ZNF670: variants seen among roughly 807,000 people sequenced by gnomAD.
ZNF670 encodes the protein zinc finger protein 670.
ZNF670 carries 7 observed loss-of-function variants against 10.9 expected under a neutral mutation model. That is an observed-to-expected ratio of 0.64 (90% CI 0.36 to 1.20). The LOEUF is 1.20. ZNF670 is among the 50% of genes most tolerant of loss of function. The pLI, the probability that ZNF670 is intolerant of heterozygous loss-of-function variation, is 0.02. For missense variants in ZNF670, 446 were observed against 458.6 expected (o/e 0.97, Z 0.25); for synonymous variants, 136 against 152.7 (o/e 0.89, Z 0.81).
At chr1:247,059,938 G>A (rs553969540) in intron 1 of ZNF670, among the ~76,000 whole-genome samples, 4 of 152,126 alleles carry the variant, frequency 2.6e-5, no homozygotes, top group Admixed American at 2.6e-4. Context: ...AGACCTATAT[G>A]ACAAAACTAT....
At chr1:247,053,211 C>G (rs6657686) in intron 1 of ZNF670, among the ~76,000 whole-genome samples, 49,623 of 152,134 alleles carry the variant, frequency 0.33, 8,923 homozygotes, top group African/African-American at 0.46. Context: ...AGCCTCCTCA[C>G]TGAGAATGCA....
At chr1:247,050,778 AT>A (rs976705954) in intron 1 of ZNF670, among the ~76,000 whole-genome samples, 5 of 152,058 alleles carry the variant, frequency 3.3e-5, no homozygotes, top group South Asian at 2.1e-4. Context: ...CCAGTGGTGA[AT>A]TCTTATCCAT....
intron 1 of ZNF670, among the ~76,000 whole-genome samples, chr1:247,071,119 T>A (rs1443764192): frequency 1.3e-5 from 2 of 152,124 alleles, no homozygotes; most frequent in African/African-American, 2.4e-5. Flanking sequence ...TATTACTGGG[T>A]ATATATATCC....
At position 247,075,788 on chromosome 1, in the gene ZNF670, T is replaced by C. The variant is rs190465225; in HGVS notation, c.3+2806A>G. 2.4e-3 allele frequency among the ~76,000 whole-genome samples: 361 copies of C among 152,306 alleles called. 2 individuals carry two copies. Among genetic ancestry groups the C allele is most frequent in the African/African-American group, 8.4e-3 (348 of 41,576 alleles). ...AATTGTCCAGCCTCAGGTATGTCTT[T>C]ATCAGCAGCATGAAAACAAACTAAT... On this transcript the variant is annotated intron_variant, in intron 1 of 3. Transcript: ENST00000366503.
intron 1 of ZNF670, among the ~76,000 whole-genome samples, chr1:247,070,427 C>T (rs149117955): frequency 0.019 from 2,870 of 152,232 alleles, 48 homozygotes; most frequent in Non-Finnish European, 0.028. Flanking sequence ...GCCGAGATCA[C>T]GCCACTGCAC....
Position 247,039,411 on chromosome 1 carries a change from C to G in ZNF670, c.130G>C (p.Gly44Arg). 1 of 1,602,658 alleles carries G rather than the reference C, an allele frequency of 6.2e-7. No individual in the cohort carries two copies. The highest frequency in any genetic ancestry group is 2.3e-5 in the East Asian group (1 of 44,006). The change falls in exon 2 of 4, where the codon GGA (glycine) becomes CGA (arginine). Residue 44 changes from glycine (G) to arginine (R), a missense_variant and splice_region_variant. Coordinates refer to ENST00000366503, the MANE Select transcript of ZNF670 (RefSeq NM_033213.5). ...QEIFRNLASV[G>R]NKSEDQNIQD... ...CGTGAATAAGTGTTGTTATTCTTACCTACAGAAGCCAGGTTCCTGAAGATT... is the reference window on the plus strand; with the variant it reads ...CGTGAATAAGTGTTGTTATTCTTACGTACAGAAGCCAGGTTCCTGAAGATT...
At chr1:247,053,876 G>C (rs1190442119) in intron 1 of ZNF670, among the ~76,000 whole-genome samples, 2 of 152,176 alleles carry the variant, frequency 1.3e-5, no homozygotes, top group African/African-American at 2.4e-5. Flanking sequence ...ACATTCATAA[G>C]AACAAAAACT....
rs1670195471 is a variant in ZNF670 at position 247,037,779 on chromosome 1, G to A, written c.840C>T (p.Pro280=). 5.6e-6 allele frequency: 9 copies of A among 1,613,826 alleles called. No homozygotes were observed. The East Asian group carries it at 1.8e-4, about 32-fold the overall frequency. ...CTTTGCCACATTTTATACATTCATA[G>A]GGTTTTTCTCCAGTATGCGTTCTTT... The part of the protein sequence containing the change: ...IHERTHTGEK[P]YECIKCGKAF... Residue 280 remains proline (P), a synonymous_variant, in exon 4 of 4, where the codon CCC becomes CCT. Transcript: ENST00000366503.
intron 1 of ZNF670, among the ~76,000 whole-genome samples, chr1:247,058,031 T>A (rs553557985): frequency 1.6e-4 from 24 of 152,330 alleles, no homozygotes; most frequent in African/African-American, 5.5e-4. Context: ...TGTTTAAAGT[T>A]ATAGATACCC....
chr1:247,050,176 T>G (rs144857377), intron 1 of ZNF670, among the ~76,000 whole-genome samples: 124 of 152,352 alleles, frequency 8.1e-4, no homozygotes, highest in African/African-American at 2.8e-3. Flanking sequence ...GGTCTAGTAG[T>G]AATTATTCTA....
chr1:247,054,716 C>T (rs754069651), intron 1 of ZNF670, among the ~76,000 whole-genome samples: 3 of 152,126 alleles, frequency 2.0e-5, no homozygotes, highest in Non-Finnish European at 4.4e-5. Flanking sequence ...TCAAGTGAGA[C>T]GTAGCACATT....
intron 1 of ZNF670, among the ~76,000 whole-genome samples, chr1:247,077,369 AG>A (rs1294632547): frequency 2.0e-5 from 3 of 152,224 alleles, no homozygotes; most frequent in African/African-American, 7.2e-5. Context: ...TGCTAAACAG[AG>A]GACCAAGAAA....
At chr1:247,052,741 G>C (rs1193317289) in intron 1 of ZNF670, among the ~76,000 whole-genome samples, 1 of 152,122 alleles carries the variant, frequency 6.6e-6, no homozygotes, top group Non-Finnish European at 1.5e-5. Context: ...GCCAGGAGGT[G>C]GCACTTTCAA....
chr1:247,065,948 A>T (rs1670970371), intron 1 of ZNF670, among the ~76,000 whole-genome samples: 1 of 152,242 alleles, frequency 6.6e-6, no homozygotes. Context: ...CACTTGGGAC[A>T]AAAGCAAGGA....
At position 247,037,468 on chromosome 1, in the gene ZNF670, T is replaced by A; in HGVS notation, c.1151A>T (p.Glu384Val). Residue 384 changes from glutamate to valine, a missense_variant, in exon 4 of 4, where the codon GAA (glutamate) becomes GTA (valine). By Grantham distance (121) the Glu-to-Val change is moderately radical. Transcript: ENST00000366503. ...TGTTTTTTACCACATATAAGCTCTT[T>A]CATGCTTTCGAAGGGAACTGGAACA... ...FSCSSSLRKHERAYMW is the reference protein window; with the variant it reads ...FSCSSSLRKHVRAYMW 6.2e-7 allele frequency: 1 copy of A among 1,610,544 alleles called. No individual in the cohort carries two copies. Among genetic ancestry groups the A allele is most frequent in the Non-Finnish European group, 8.5e-7 (1 of 1,178,854 alleles).
intron 1 of ZNF670, among the ~76,000 whole-genome samples, chr1:247,068,396 G>C (rs1362194108): frequency 2.0e-5 from 3 of 148,028 alleles, no homozygotes; most frequent in Non-Finnish European, 4.4e-5. Flanking sequence ...TGGAAAACAG[G>C]CATATGAAAA....
At chr1:247,059,437 C>T (rs1347494028) in intron 1 of ZNF670, among the ~76,000 whole-genome samples, 1 of 151,890 alleles carries the variant, frequency 6.6e-6, no homozygotes, top group Non-Finnish European at 1.5e-5. Context: ...CAGGGCGAGA[C>T]TCTGTCTCAA....
At chr1:247,070,800 A>G (rs759221705) in intron 1 of ZNF670, among the ~76,000 whole-genome samples, 1 of 152,218 alleles carries the variant, frequency 6.6e-6, no homozygotes, top group Non-Finnish European at 1.5e-5. Context: ...AAAATGGCAA[A>G]CAACTCCATA....
At chr1:247,073,690 G>T (rs1032838401) in intron 1 of ZNF670, among the ~76,000 whole-genome samples, 1 of 152,016 alleles carries the variant, frequency 6.6e-6, no homozygotes, top group Non-Finnish European at 1.5e-5. Flanking sequence ...CCTACTAATT[G>T]TCCAACAATT....
Sources: allele counts gnomAD v4.1 joint callset (sites outside exome capture counted in the v4.1 genomes callset), GRCh38; gene constraint gnomAD v4.1.1; transcripts MANE v1.5; gene names NCBI Gene and HGNC (gene_info 2026-07-23, HGNC 2026-07-21).